Variants in FAM227A observed in about 807,000 individuals in gnomAD.
FAM227A encodes the protein family with sequence similarity 227 member A.
In FAM227A, 80 loss-of-function variants were observed where a neutral mutation model predicts 74.7. That is an observed-to-expected ratio of 1.07 (90% CI 0.89 to 1.29). The LOEUF is 1.29. Ranked by LOEUF, FAM227A falls within the 50% of genes most tolerant of loss-of-function variation. FAM227A has a pLI of 0.00. For missense variants in FAM227A, 654 were observed against 683.4 expected (o/e 0.96, Z 0.48); for synonymous variants, 237 against 241.8 (o/e 0.98, Z 0.19).
At chr22:38,648,472 T>C (rs2092275833) in intron 2 of FAM227A, among the ~76,000 whole-genome samples, 1 of 150,686 alleles carries the variant, frequency 6.6e-6, no homozygotes, top group African/African-American at 2.4e-5. Context: ...CCAGACGTGG[T>C]GGCACATGCC....
At chr22:38,639,516 G>T in intron 4 of FAM227A, 139 bp downstream of exon 4, 1 of 836,616 alleles carries the variant, frequency 1.2e-6, no homozygotes. Flanking sequence ...CCAATGTCAA[G>T]AAGTCAGATT....
At chr22:38,615,604 A>G (rs568339364) in intron 11 of FAM227A, among the ~76,000 whole-genome samples, 1 of 152,318 alleles carries the variant, frequency 6.6e-6, no homozygotes, top group East Asian at 1.9e-4. Context: ...GGCAGAAGGA[A>G]GTCCAGTGCC....
intron 16 of FAM227A, among the ~76,000 whole-genome samples, chr22:38,587,303 A>T (rs919599382): frequency 1.3e-5 from 2 of 152,216 alleles, no homozygotes; most frequent in Non-Finnish European, 2.9e-5. Flanking sequence ...GAATAGAAAA[A>T]ATAGAAAGTC....
At chr22:38,622,459 C>G (rs2091710701) in intron 10 of FAM227A, among the ~76,000 whole-genome samples, 1 of 152,208 alleles carries the variant, frequency 6.6e-6, no homozygotes. Context: ...ACCCAGAACT[C>G]ATTATGGGTC....
chr22:38,645,113 C>T (rs759332088), intron 3 of FAM227A, among the ~76,000 whole-genome samples: 8 of 151,724 alleles, frequency 5.3e-5, no homozygotes, highest in East Asian at 3.9e-4. Context: ...GTTTATTGGC[C>T]GGGCGCGGTG....
intron 4 of FAM227A, among the ~76,000 whole-genome samples, chr22:38,639,216 C>T (rs2092062858): frequency 6.6e-6 from 1 of 152,028 alleles, no homozygotes; most frequent in Non-Finnish European, 1.5e-5. Flanking sequence ...TCAAGAACAG[C>T]CTGGCCAACA....
chr22:38,591,253 G>A, intron 16 of FAM227A, 182 bp downstream of exon 16: 2 of 1,201,030 alleles, frequency 1.7e-6, no homozygotes, highest in East Asian at 3.1e-5. Flanking sequence ...GAGCCCAGGA[G>A]GTGGAGGCTG....
chr22:38,651,249 G>A lies in FAM227A; in HGVS notation c.-94-987C>T, dbSNP rs532602426. 1.1e-4 allele frequency among the ~76,000 whole-genome samples: 17 copies of A among 152,244 alleles called. No homozygotes were observed. The South Asian group carries it at 3.5e-3, about 32-fold the overall frequency. On this transcript the variant is annotated intron_variant, in intron 1 of 16. Coordinates refer to ENST00000535113, the MANE Select transcript of FAM227A (RefSeq NM_001013647.2). ...CCATGCCTCCTCTGCAAAGCCCAAG[G>A]TTCTGCATTCATCTATCACAGGACT...
At chr22:38,605,176 T>A (rs2146245245) in intron 13 of FAM227A, 78 bp downstream of exon 13, 1 of 809,126 alleles carries the variant, frequency 1.2e-6, no homozygotes. Flanking sequence ...TCATTAAATG[T>A]TAATTATCAT....
intron 14 of FAM227A, 80 bp from the exon 15 acceptor site, chr22:38,597,436 T>C (rs2091072247): frequency 5.1e-6 from 7 of 1,374,228 alleles, no homozygotes; most frequent in South Asian, 2.5e-5. Flanking sequence ...GCGCAGTGCA[T>C]GGGGAAGAGG....
chr22:38,582,348 T>A lies in FAM227A; in HGVS notation c.*3777A>T. ...AGGATTTTAACTTCATCTCTTCTAG[T>A]TTAACATCTGAATTTATCTTCTTCC... On this transcript the variant is annotated 3_prime_UTR_variant, in exon 17 of 17. Coordinates refer to ENST00000535113, the MANE Select transcript of FAM227A (RefSeq NM_001013647.2). 6.5e-7 allele frequency: 1 copy of A among 1,550,146 alleles called. No individual in the cohort carries two copies. Among genetic ancestry groups the A allele is most frequent in the Non-Finnish European group, 8.7e-7 (1 of 1,146,682 alleles).
At chr22:38,652,980 G>A (rs1312488772) in intron 1 of FAM227A, among the ~76,000 whole-genome samples, 3 of 152,092 alleles carry the variant, frequency 2.0e-5, no homozygotes, top group African/African-American at 7.2e-5. Context: ...GCCATGGATG[G>A]GTGTAGGTCT....
intron 1 of FAM227A, among the ~76,000 whole-genome samples, chr22:38,653,530 C>T (rs1393300489): frequency 5.3e-5 from 8 of 152,046 alleles, no homozygotes; most frequent in Non-Finnish European, 1.0e-4. Context: ...GTGCACGCCA[C>T]CATGCCTGGC....
intron 2 of FAM227A, among the ~76,000 whole-genome samples, chr22:38,649,559 C>T (rs1183888381): frequency 2.1e-5 from 3 of 145,470 alleles, no homozygotes; most frequent in Non-Finnish European, 4.5e-5. Context: ...GAGTGAGACT[C>T]TGTCTCAAAA....
At chr22:38,642,296 G>A (rs2092133569) in intron 3 of FAM227A, among the ~76,000 whole-genome samples, 1 of 152,158 alleles carries the variant, frequency 6.6e-6, no homozygotes, top group Non-Finnish European at 1.5e-5. Context: ...CAGTAGCAAA[G>A]CCAAAACTGT....
At chr22:38,599,717 G>A (rs1243897451) in intron 14 of FAM227A, 47 bp downstream of exon 14, 8 of 1,497,910 alleles carry the variant, frequency 5.3e-6, no homozygotes, top group East Asian at 5.1e-5. Context: ...GGAAGAGGAC[G>A]CGGGGGCCTG....
At chr22:38,636,391 T>A in intron 6 of FAM227A, 60 bp downstream of exon 6, 1 of 1,521,942 alleles carries the variant, frequency 6.6e-7, no homozygotes, top group Non-Finnish European at 8.9e-7. Context: ...TGTGAAAGGG[T>A]GACAGCTGCA....
chr22:38,638,870 C>CCACAGTTGTAAGCACCG, intron 4 of FAM227A, 48 bp from the exon 5 acceptor site: 2 of 1,253,164 alleles, frequency 1.6e-6, no homozygotes, highest in Non-Finnish European at 2.2e-6. Flanking sequence ...CAGGGTCTGT[C>CCACAGTTGTAAGCACCG]CACAGCTGTG....
intron 11 of FAM227A, among the ~76,000 whole-genome samples, chr22:38,613,256 T>C (rs1256502729): frequency 2.7e-5 from 2 of 72,960 alleles, no homozygotes; most frequent in East Asian, 2.9e-4. Context: ...ATATATAACA[T>C]ATATTATAAC....
Sources: gnomAD v4.1 joint callset for allele counts (sites outside exome capture counted in the v4.1 genomes callset) on GRCh38, gnomAD v4.1.1 for gene constraint, MANE v1.5 for transcripts, NCBI Gene and HGNC (gene_info 2026-07-23, HGNC 2026-07-21) for gene names.